The following GPAT3 variants were observed in gnomAD, a reference collection of about 807,000 sequenced individuals.
GPAT3 encodes glycerol-3-phosphate acyltransferase 3.
In GPAT3, 53 loss-of-function variants were observed where a neutral mutation model predicts 58.8. The observed-to-expected ratio is 0.90, with a 90% CI of 0.72 to 1.13. The LOEUF (loss-of-function observed/expected upper bound fraction) is 1.13. Among genes scored for constraint, GPAT3 ranks in the 50% most tolerant of loss-of-function variants. The pLI is 0.00. For synonymous variants in GPAT3, 197 were observed against 187.4 expected, an observed-to-expected ratio of 1.05 and a Z score of -0.42; for missense variants, 511 against 527.6, an observed-to-expected ratio of 0.97 and a Z score of 0.31.
intron 11 of GPAT3, among the ~76,000 whole-genome samples, chr4:83,600,688 T>C (rs933431569): frequency 6.6e-6 from 1 of 151,940 alleles, no homozygotes; most frequent in African/African-American, 2.4e-5. Context: ...GTATTTTTAG[T>C]AGAGATGGAG....
In GPAT3 at chr4:83,584,940, A is replaced by C. The variant is rs149415797; in HGVS notation, c.480-2315A>C. 4.5e-3 allele frequency among the ~76,000 whole-genome samples: 681 copies of C among 152,358 alleles called. 25 individuals carry two copies. Among genetic ancestry groups the C allele is most frequent in the East Asian group, 1.2e-3 (6 of 5,184 alleles). ...CATTGCCTCACTTAAACTGGGATAC[A>C]TAATGTTCTGGCCTGTTAATCTAGC... On this transcript the variant is annotated intron_variant, in intron 3 of 11. Coordinates refer to ENST00000264409, the MANE Select transcript of GPAT3 (RefSeq NM_032717.5).
At chr4:83,559,603 G>A (rs539352182) in intron 2 of GPAT3, among the ~76,000 whole-genome samples, 56 of 152,264 alleles carry the variant, frequency 3.7e-4, no homozygotes, top group Admixed American at 9.2e-4. Flanking sequence ...GATCGCAAGC[G>A]TGAGCCAGTG....
chr4:83,577,591 G>C (rs1230481923), intron 2 of GPAT3, among the ~76,000 whole-genome samples: 1 of 152,152 alleles, frequency 6.6e-6, no homozygotes, highest in Non-Finnish European at 1.5e-5. Flanking sequence ...TCTGGGTGAA[G>C]TGACCTATTG....
At chr4:83,596,694 CT>C (rs1726854070) in intron 7 of GPAT3, among the ~76,000 whole-genome samples, 163 bp from the exon 8 acceptor site, 2 of 152,092 alleles carry the variant, frequency 1.3e-5, no homozygotes, top group South Asian at 4.1e-4. Context: ...TCTTCTTAAA[CT>C]TTTTTGGAAA....
intron 6 of GPAT3, among the ~76,000 whole-genome samples, chr4:83,592,393 T>C (rs937768987): frequency 9.2e-5 from 14 of 152,208 alleles, no homozygotes; most frequent in Non-Finnish European, 2.9e-5. Context: ...GACATCATAA[T>C]TGGCCTCTTT....
chr4:83,552,561 G>A (rs537504142), intron 2 of GPAT3, among the ~76,000 whole-genome samples: 1 of 152,344 alleles, frequency 6.6e-6, no homozygotes, highest in African/African-American at 2.4e-5. Context: ...GTGCTTAGAT[G>A]AGCAGCAGGA....
At chr4:83,543,706 C>T (rs1008702888) in intron 1 of GPAT3, among the ~76,000 whole-genome samples, 3 of 151,884 alleles carry the variant, frequency 2.0e-5, no homozygotes, top group South Asian at 2.1e-4. Flanking sequence ...TGCAGGTGCC[C>T]GATCTCTGCT....
At position 83,544,681 on chromosome 4, in the gene GPAT3, A is replaced by G. The variant is rs1724441394; in HGVS notation, c.208+79A>G. On this transcript the variant is annotated intron_variant, in intron 2 of 11. Transcript: ENST00000264409. ...AACCTACCCAATTTGAACTTGAAAT[A>G]TGCAGAGAGCAGTGTGTTCTATAGG... 3 of 1,333,288 alleles carry G rather than the reference A, an allele frequency of 2.3e-6. No homozygotes were observed. In the South Asian group the frequency reaches 3.5e-5, roughly 16 times the overall value. 82.6% of individuals were successfully genotyped at this position (1,333,288 alleles called of 1,614,324 possible).
chr4:83,580,822 C>T (rs377758600), intron 2 of GPAT3, among the ~76,000 whole-genome samples: 9 of 152,052 alleles, frequency 5.9e-5, no homozygotes, highest in African/African-American at 1.2e-4. Flanking sequence ...ATCGGCCGGG[C>T]GTGGTGGCTC....
At chr4:83,585,904 T>C (rs1726358461) in intron 3 of GPAT3, among the ~76,000 whole-genome samples, 1 of 152,220 alleles carries the variant, frequency 6.6e-6, no homozygotes, top group African/African-American at 2.4e-5. Flanking sequence ...TAAATAATGC[T>C]AAACTGCTAT....
rs577553143 is a variant in GPAT3 at position 83,560,857 on chromosome 4, G to A, written c.208+16255G>A. 3.3e-5 allele frequency among the ~76,000 whole-genome samples: 5 copies of A among 152,154 alleles called. No homozygotes were observed. The South Asian group carries it at 6.2e-4, about 19-fold the overall frequency. On this transcript the variant is annotated intron_variant, in intron 2 of 11. Transcript: ENST00000264409. The stretch of plus-strand genomic sequence containing the variant: ...GTCTCTCTCTCTTGCTCCTGCTCTG[G>A]CCATGTGGTGTGCCTGTCCCCACTT...
intron 2 of GPAT3, among the ~76,000 whole-genome samples, chr4:83,551,881 T>C (rs950098686): frequency 4.6e-5 from 7 of 151,072 alleles, no homozygotes; most frequent in African/African-American, 1.7e-4. Flanking sequence ...ATTTTTTTTC[T>C]TGTTAAACTC....
chr4:83,582,946 T>C (rs1726210193), intron 3 of GPAT3, among the ~76,000 whole-genome samples: 1 of 152,018 alleles, frequency 6.6e-6, no homozygotes, highest in African/African-American at 2.4e-5. Flanking sequence ...ACTCTGGGAG[T>C]GTACAAGACT....
In GPAT3 at chr4:83,604,814, G is replaced by T; in HGVS notation, c.*47G>T. The T allele has an allele frequency of 7.1e-7, 1 of 1,416,814 alleles. No homozygotes were observed. Among genetic ancestry groups the T allele is most frequent in the South Asian group, 1.2e-5 (1 of 81,188 alleles). The allele number at this position is 1,416,814 out of a possible 1,614,324, so 87.8% of individuals were successfully genotyped here. A position where few individuals can be genotyped will look rare whatever the true frequency, so the allele number is the denominator to read the frequency against. ...GATCTAGAACTAGCCCTTAGAAATG[G>T]AATGGCTTTTTTTGTTTTGTTTTGT... is the stretch of plus-strand genomic sequence containing the variant. On this transcript the variant is annotated 3_prime_UTR_variant, in exon 12 of 12. Transcript: ENST00000264409.
At chr4:83,536,875 C>G (rs56139069) in intron 1 of GPAT3, 112 bp downstream of exon 1, 386,928 of 983,018 alleles carry the variant, frequency 0.39, 78,456 homozygotes, top group Middle Eastern at 0.5. Context: ...CGCGCGTGTG[C>G]ATGCGTGCGT....
In GPAT3 at chr4:83,598,067, G is replaced by A; in HGVS notation, c.1013G>A (p.Gly338Asp). 3.1e-6 allele frequency: 5 copies of A among 1,613,576 alleles called. No homozygotes were observed. Among genetic ancestry groups the A allele is most frequent in the East Asian group, 2.2e-5 (1 of 44,874 alleles). Reference sequence around the variant, plus strand: ...TTTTCTCAGTATAACCCTCAGTTCGGTGATGCATTTTGGAACAGTAGTAAA... The same window carrying A: ...TTTTCTCAGTATAACCCTCAGTTCGATGATGCATTTTGGAACAGTAGTAAA... ...PVAIKYNPQFGDAFWNSSKYN... is the reference protein window; with the variant it reads ...PVAIKYNPQFDDAFWNSSKYN... Residue 338 changes from glycine (G) to aspartate (D), a missense_variant, in exon 10 of 12, where the codon GGT (glycine) becomes GAT (aspartate). Gly to Asp is a moderately conservative substitution (Grantham distance 94). Transcript: ENST00000264409.
intron 2 of GPAT3, among the ~76,000 whole-genome samples, chr4:83,565,857 C>A (rs1725362415): frequency 6.6e-6 from 1 of 152,136 alleles, no homozygotes; most frequent in Admixed American, 6.5e-5. Context: ...GTTCTTAGGG[C>A]AAATGGGAGG....
chr4:83,547,246 CTTTTTTTTTTTTTT>C (rs10618385), intron 2 of GPAT3, among the ~76,000 whole-genome samples: 24 of 82,204 alleles, frequency 2.9e-4, no homozygotes, highest in Non-Finnish European at 3.9e-4. Flanking sequence ...TTCTACTGCT[CTTTTTTTTTTTTTT>C]TTTTTTTTTT....
chr4:83,603,336 C>A (rs1337101758), intron 11 of GPAT3, among the ~76,000 whole-genome samples: 1 of 152,064 alleles, frequency 6.6e-6, no homozygotes, highest in African/African-American at 2.4e-5. Flanking sequence ...CAGGCAGGCA[C>A]CCTGGAGAGA....
Sources: gnomAD v4.1 joint callset for allele counts (sites outside exome capture counted in the v4.1 genomes callset) on GRCh38, gnomAD v4.1.1 for gene constraint, MANE v1.5 for transcripts, NCBI Gene and HGNC (gene_info 2026-07-23, HGNC 2026-07-21) for gene names.